Variants in SUFU observed in about 807,000 individuals in gnomAD.
SUFU encodes SUFU negative regulator of hedgehog signaling.
Under a neutral mutation model 58.9 loss-of-function variants are expected in SUFU, and 7 were observed. The ratio of observed to expected loss-of-function variants is 0.12; its 90% CI spans 0.07 to 0.22. The LOEUF is 0.22. SUFU is among the 10% of genes least tolerant of loss of function. SUFU has a pLI of 1.00. For synonymous variants in SUFU, 232 were observed against 254.8 expected (o/e 0.91, Z 0.85); for missense variants, 451 against 641.3 (o/e 0.70, Z 3.20).
rs1377813469 is a variant in SUFU, at chr10:102,504,067, C to T, written c.-86C>T. 5 of 1,468,176 alleles carry T rather than the reference C, an allele frequency of 3.4e-6. No individual in the cohort carries two copies. Among genetic ancestry groups the T allele is most frequent in the African/African-American group, 2.8e-5 (2 of 70,896 alleles). 90.9% of individuals were successfully genotyped at this position (1,468,176 alleles called of 1,614,324 possible). ...GCCCCCATCGCCTCGGGGAGTCTCA[C>T]CCACCGAGTCCGCCCGCTGGCCCGT... is the stretch of plus-strand genomic sequence containing the variant. On this transcript the variant is annotated 5_prime_UTR_variant, in exon 1 of 12. Coordinates refer to ENST00000369902, the MANE Select transcript of SUFU (RefSeq NM_016169.4).
At chr10:102,551,337 C>A (rs1464819505) in intron 3 of SUFU, among the ~76,000 whole-genome samples, 1 of 152,214 alleles carries the variant, frequency 6.6e-6, no homozygotes, top group South Asian at 2.1e-4. Context: ...TTGAGTTGGC[C>A]AGAAGTGGGA....
intron 2 of SUFU, among the ~76,000 whole-genome samples, chr10:102,529,475 A>G (rs969894720): frequency 2.6e-5 from 4 of 152,172 alleles, no homozygotes; most frequent in African/African-American, 9.7e-5. Flanking sequence ...AGTGAGTACT[A>G]AGAAAAGGAA....
chr10:102,537,259 T>C (rs1230902356), intron 2 of SUFU, among the ~76,000 whole-genome samples: 2 of 150,912 alleles, frequency 1.3e-5, no homozygotes, highest in Admixed American at 1.3e-4. Flanking sequence ...AGACTCCGAG[T>C]AGCTGGGACC....
At chr10:102,516,696 C>T (rs747156447) in intron 2 of SUFU, among the ~76,000 whole-genome samples, 7 of 151,806 alleles carry the variant, frequency 4.6e-5, no homozygotes, top group Non-Finnish European at 7.4e-5. Flanking sequence ...TACAGGTGCC[C>T]GCCAACACGC....
upstream of SUFU, among the ~76,000 whole-genome samples, chr10:102,503,829 A>G (rs1342374033): frequency 1.3e-5 from 2 of 152,190 alleles, no homozygotes; most frequent in Admixed American, 6.5e-5. Flanking sequence ...CACTCCCAAC[A>G]CAGGGAGGGG....
At chr10:102,593,611 A>G in intron 4 of SUFU, 25 bp from the exon 5 acceptor site, 8 of 1,613,606 alleles carry the variant, frequency 5.0e-6, no homozygotes, top group South Asian at 2.2e-5. Flanking sequence ...TTAACACACA[A>G]TGGGCTTTCT....
chr10:102,526,424 G>A (rs1396837628), intron 2 of SUFU, among the ~76,000 whole-genome samples: 1 of 151,050 alleles, frequency 6.6e-6, no homozygotes, highest in African/African-American at 2.4e-5. Context: ...ATGGTGGTGC[G>A]TGCCTGTAGT....
At chr10:102,612,077 G>A (rs570517098) in intron 8 of SUFU, among the ~76,000 whole-genome samples, 54 of 152,300 alleles carry the variant, frequency 3.5e-4, no homozygotes, top group Non-Finnish European at 6.6e-4. Context: ...ACCTGTGTCG[G>A]CTGCAGATTT....
intron 3 of SUFU, among the ~76,000 whole-genome samples, chr10:102,552,072 A>G (rs1193984972): frequency 6.6e-6 from 1 of 152,004 alleles, no homozygotes; most frequent in Non-Finnish European, 1.5e-5. Context: ...TGTAACATCA[A>G]CTATGTAGCA....
At chr10:102,565,645 C>T (rs1230060411) in intron 3 of SUFU, among the ~76,000 whole-genome samples, 1 of 152,136 alleles carries the variant, frequency 6.6e-6, no homozygotes, top group Non-Finnish European at 1.5e-5. Context: ...TCCAGGTTCA[C>T]GGCATTCTCC....
intron 2 of SUFU, among the ~76,000 whole-genome samples, chr10:102,510,973 T>C (rs186787606): frequency 3.6e-4 from 55 of 151,566 alleles, no homozygotes; most frequent in African/African-American, 1.3e-3. Flanking sequence ...ATAATAAAAT[T>C]AGCCGGGCGT....
intron 11 of SUFU, 60 bp downstream of exon 11, chr10:102,627,303 G>C: frequency 6.9e-7 from 1 of 1,454,678 alleles, no homozygotes; most frequent in African/African-American, 1.4e-5. Flanking sequence ...GTGTGTGCGT[G>C]CGTGTGCACG....
At position 102,545,022 on chromosome 10, in the gene SUFU, G is replaced by C. The variant is rs2062839534; in HGVS notation, c.318-4948G>C. Among the ~76,000 whole-genome samples, 13 of 152,024 alleles carry C rather than the reference G, an allele frequency of 8.6e-5. No homozygotes were observed. In the South Asian group the frequency reaches 2.7e-3, roughly 32 times the overall value. On this transcript the variant is annotated intron_variant, in intron 2 of 11. Coordinates refer to ENST00000369902, the MANE Select transcript of SUFU (RefSeq NM_016169.4). Reference sequence around the variant, plus strand: ...TTTGTTTATCCATTCCTCAGTTGATGGACATTTGGGTTGTTTCTACTTTTT... The same window carrying C: ...TTTGTTTATCCATTCCTCAGTTGATCGACATTTGGGTTGTTTCTACTTTTT...
At chr10:102,514,507 A>G (rs1292806646) in intron 2 of SUFU, among the ~76,000 whole-genome samples, 1 of 152,208 alleles carries the variant, frequency 6.6e-6, no homozygotes, top group African/African-American at 2.4e-5. Flanking sequence ...AGTTGGAGAG[A>G]TGGAACAAGT....
chr10:102,518,511 G>GTCTATCTATCTA (rs1490037833), intron 2 of SUFU, among the ~76,000 whole-genome samples: 3 of 43,548 alleles, frequency 6.9e-5, no homozygotes, highest in Non-Finnish European at 1.6e-4. Flanking sequence ...CTAACTGTCT[G>GTCTATCTATCTA]TCTGTCTGTC....
intron 2 of SUFU, among the ~76,000 whole-genome samples, chr10:102,544,762 G>A (rs1473067145): frequency 6.6e-6 from 1 of 152,136 alleles, no homozygotes; most frequent in Non-Finnish European, 1.5e-5. Flanking sequence ...CCCATCAGCA[G>A]TCACTCCCCA....
chr10:102,587,426 A>G (rs1238888761), intron 3 of SUFU, among the ~76,000 whole-genome samples: 1 of 152,188 alleles, frequency 6.6e-6, no homozygotes, highest in East Asian at 1.9e-4. Flanking sequence ...GTATAAAGTG[A>G]TATCTCAAAA....
At position 102,568,895 on chromosome 10, in the gene SUFU, A is replaced by T. The variant is rs1410532608; in HGVS notation, c.454+18789A>T. Among the ~76,000 whole-genome samples, 147 of 23,812 alleles carry T rather than the reference A, an allele frequency of 6.2e-3. 7 individuals are homozygous for T. The highest frequency in any genetic ancestry group is 0.025 in the South Asian group (16 of 652). 15.6% of individuals were successfully genotyped at this position (23,812 alleles called of 152,430 possible). A position where few individuals can be genotyped will look rare whatever the true frequency, so the allele number is the denominator to read the frequency against. On this transcript the variant is annotated intron_variant, in intron 3 of 11. Transcript: ENST00000369902. The stretch of plus-strand genomic sequence containing the variant: ...GTCTCAAAAAAAAAAAAAAAAAAAA[A>T]AAATATATATATATATATATATATA...
chr10:102,567,280 G>A (rs1177976928), intron 3 of SUFU, among the ~76,000 whole-genome samples: 1 of 151,720 alleles, frequency 6.6e-6, no homozygotes, highest in African/African-American at 2.4e-5. Context: ...CAAAGTGCTG[G>A]GATTACAGGC....
Sources: gnomAD v4.1 joint callset for allele counts (sites outside exome capture counted in the v4.1 genomes callset) on GRCh38, gnomAD v4.1.1 for gene constraint, MANE v1.5 for transcripts, NCBI Gene and HGNC (gene_info 2026-07-23, HGNC 2026-07-21) for gene names.